IKZF2: variants seen among roughly 807,000 people sequenced by gnomAD.
IKZF2 encodes the protein zinc finger protein Helios.
A neutral mutation model predicts 49.2 loss-of-function variants in IKZF2; 15 were observed. The observed-to-expected ratio is 0.30, with a 90% CI of 0.20 to 0.47. The LOEUF (loss-of-function observed/expected upper bound fraction) is 0.47. Ranked by LOEUF, IKZF2 falls within the 20% of genes least tolerant of loss-of-function variation. The pLI is 1.00. For synonymous variants in IKZF2, 227 were observed against 221.4 expected (o/e 1.03, Z -0.23); for missense variants, 567 against 664.6 (o/e 0.85, Z 1.61).
At chr2:213,089,258 C>A (rs990763763) in intron 4 of IKZF2, among the ~76,000 whole-genome samples, 2 of 152,126 alleles carry the variant, frequency 1.3e-5, no homozygotes, top group African/African-American at 4.8e-5. Flanking sequence ...GCTCTACTTA[C>A]AAAAGACCAC....
At chr2:213,107,176 A>C (rs2059562449) in intron 4 of IKZF2, among the ~76,000 whole-genome samples, 1 of 152,202 alleles carries the variant, frequency 6.6e-6, no homozygotes, top group African/African-American at 2.4e-5. Flanking sequence ...AAAGACCATC[A>C]CAAAGCACTC....
intron 4 of IKZF2, among the ~76,000 whole-genome samples, chr2:213,114,599 TG>T (rs2059810416): frequency 6.6e-6 from 1 of 152,240 alleles, no homozygotes; most frequent in Admixed American, 6.5e-5. Context: ...GAACAGTAAC[TG>T]ATTTAATATG....
chr2:213,024,707 A>G (rs1697621004), intron 6 of IKZF2, among the ~76,000 whole-genome samples: 1 of 152,108 alleles, frequency 6.6e-6, no homozygotes, highest in Non-Finnish European at 1.5e-5. Context: ...CAAAGTCTAC[A>G]TTCTGCCCTT....
At chr2:213,071,640 G>A (rs1384335877) in intron 4 of IKZF2, among the ~76,000 whole-genome samples, 1 of 152,060 alleles carries the variant, frequency 6.6e-6, no homozygotes, top group Non-Finnish European at 1.5e-5. Flanking sequence ...CTGTGTGGAA[G>A]GAGAAGTATA....
intron 4 of IKZF2, among the ~76,000 whole-genome samples, chr2:213,132,354 C>T (rs1345750693): frequency 6.6e-6 from 1 of 151,676 alleles, no homozygotes; most frequent in African/African-American, 2.4e-5. Context: ...AATTAGGGAT[C>T]GACTGTCCTG....
At chr2:213,114,705 G>T (rs940387941) in intron 4 of IKZF2, among the ~76,000 whole-genome samples, 3 of 152,134 alleles carry the variant, frequency 2.0e-5, no homozygotes, top group Non-Finnish European at 2.9e-5. Context: ...AGGGCAACCT[G>T]GGCGGATCAC....
chr2:213,042,555 A>T (rs1699763864), intron 6 of IKZF2, among the ~76,000 whole-genome samples: 1 of 152,234 alleles, frequency 6.6e-6, no homozygotes, highest in South Asian at 2.1e-4. Context: ...ATAATTACAA[A>T]AAGAATACTG....
intron 4 of IKZF2, among the ~76,000 whole-genome samples, chr2:213,088,762 T>C (rs2125624626): frequency 6.6e-6 from 1 of 152,152 alleles, no homozygotes; most frequent in Non-Finnish European, 1.5e-5. Context: ...TGTCTCAAAA[T>C]AAATAAATAA....
intron 7 of IKZF2, among the ~76,000 whole-genome samples, chr2:213,015,795 G>T (rs546891056): frequency 1.6e-3 from 239 of 152,140 alleles, no homozygotes; most frequent in Non-Finnish European, 2.7e-3. Flanking sequence ...AAATGTTGTT[G>T]TAAATTTTGC....
intron 4 of IKZF2, among the ~76,000 whole-genome samples, chr2:213,058,828 A>G (rs1053879888): frequency 1.3e-5 from 2 of 151,992 alleles, no homozygotes; most frequent in African/African-American, 4.8e-5. Context: ...AAGAAAAAAC[A>G]AAAAACATAA....
rs753371525 is a variant in IKZF2 at position 213,124,241 on chromosome 2, C to A, written c.139+23467G>T. Among the ~76,000 whole-genome samples the A allele has an allele frequency of 4.2e-4, 29 of 68,990 alleles. No homozygotes were observed. The South Asian group carries it at 5.7e-3, about 14-fold the overall frequency. The allele number at this position is 68,990 out of a possible 152,430, so 45.3% of individuals were successfully genotyped here. On this transcript the variant is annotated intron_variant, in intron 4 of 8. Transcript: ENST00000434687. ...CCTTGTGTGCACGCACACATGCGCT[C>A]GCGCGCGCGCGCACACACACACACA...
intron 4 of IKZF2, among the ~76,000 whole-genome samples, chr2:213,073,787 G>A (rs1702960526): frequency 6.6e-6 from 1 of 152,194 alleles, no homozygotes; most frequent in African/African-American, 2.4e-5. Context: ...TTGGCTCACT[G>A]CAACCTCCAC....
chr2:213,024,041 C>G (rs1697527348), intron 6 of IKZF2, among the ~76,000 whole-genome samples: 1 of 152,126 alleles, frequency 6.6e-6, no homozygotes, highest in African/African-American at 2.4e-5. Context: ...TTTCTACTCA[C>G]TTTTTACTAC....
chr2:213,016,671 T>C (rs904689915), intron 7 of IKZF2, among the ~76,000 whole-genome samples: 6 of 152,280 alleles, frequency 3.9e-5, no homozygotes, highest in Middle Eastern at 3.4e-3. Flanking sequence ...TAACCAAACA[T>C]CCTCTTTGAC....
intron 4 of IKZF2, among the ~76,000 whole-genome samples, chr2:213,146,649 G>A (rs77241127): frequency 0.015 from 2,220 of 149,950 alleles, 49 homozygotes; most frequent in African/African-American, 0.052. Flanking sequence ...ACAGTTTCGA[G>A]AGCTGTTAGA....
At chr2:213,150,455 C>CCCTCCTCCTCCTCCT (rs3217488) in intron 1 of IKZF2, 2 of 186,222 alleles carry the variant, frequency 1.1e-5, no homozygotes, top group South Asian at 7.3e-5. Flanking sequence ...AAGAACACCC[C>CCCTCCTCCTCCTCCT]CCTCCTCCTC....
At chr2:213,069,767 T>G (rs1055172153) in intron 4 of IKZF2, among the ~76,000 whole-genome samples, 1 of 152,076 alleles carries the variant, frequency 6.6e-6, no homozygotes, top group Non-Finnish European at 1.5e-5. Context: ...CAACACCTCC[T>G]GGGACAAGCT....
At chr2:213,125,388 C>T (rs926651590) in intron 4 of IKZF2, among the ~76,000 whole-genome samples, 1 of 152,002 alleles carries the variant, frequency 6.6e-6, no homozygotes, top group African/African-American at 2.4e-5. Context: ...ACAGAATTTC[C>T]AACCAACAAA....
chr2:213,059,565 G>A (rs1701487882), intron 4 of IKZF2, among the ~76,000 whole-genome samples: 1 of 151,584 alleles, frequency 6.6e-6, no homozygotes, highest in Non-Finnish European at 1.5e-5. Flanking sequence ...ACTGAAAAGT[G>A]TAACTTTATA....
Sources: gnomAD v4.1 joint callset for allele counts (sites outside exome capture counted in the v4.1 genomes callset) on GRCh38, gnomAD v4.1.1 for gene constraint, MANE v1.5 for transcripts, NCBI Gene and HGNC (gene_info 2026-07-23, HGNC 2026-07-21) for gene names.